The following AREL1 variants were observed in gnomAD, a reference collection of about 807,000 sequenced individuals.
The protein encoded by AREL1 is apoptosis resistant E3 ubiquitin protein ligase 1.
AREL1 carries 62 observed loss-of-function variants against 99.0 expected under a neutral mutation model. That is an observed-to-expected ratio of 0.63 (90% CI 0.51 to 0.77). AREL1 has a LOEUF of 0.77. Among genes scored for constraint, AREL1 ranks in the 30% least tolerant of loss-of-function variants. AREL1 has a pLI of 0.00. For synonymous variants in AREL1, 380 were observed against 376.5 expected, an observed-to-expected ratio of 1.01 and a Z score of -0.11; for missense variants, 879 against 1,027.6, an observed-to-expected ratio of 0.86 and a Z score of 1.98.
At chr14:74,710,886 T>A (rs986466326) in intron 1 of AREL1, among the ~76,000 whole-genome samples, 1 of 152,208 alleles carries the variant, frequency 6.6e-6, no homozygotes, top group African/African-American at 2.4e-5. Flanking sequence ...GAAAACTTAA[T>A]GTTTTGAGGT....
At chr14:74,708,231 T>C (rs2090221103) in intron 1 of AREL1, among the ~76,000 whole-genome samples, 1 of 152,192 alleles carries the variant, frequency 6.6e-6, no homozygotes, top group East Asian at 1.9e-4. Flanking sequence ...TTAAAATTAT[T>C]CCACAATTTA....
In AREL1 at chr14:74,685,622, C is replaced by G; in HGVS notation, c.-7G>C. Reference sequence around the variant, plus strand: ...TACCAATAACGTAAAACATCAGGTCCCGTCAATGCCAACAGACAGCCGAGG... The same window carrying G: ...TACCAATAACGTAAAACATCAGGTCGCGTCAATGCCAACAGACAGCCGAGG... On this transcript the variant is annotated 5_prime_UTR_variant, in exon 3 of 20. Coordinates refer to ENST00000356357, the MANE Select transcript of AREL1 (RefSeq NM_001039479.2). 1 of 1,614,136 alleles carries G rather than the reference C, an allele frequency of 6.2e-7. No homozygotes were observed. Among genetic ancestry groups the G allele is most frequent in the South Asian group, 1.1e-5 (1 of 91,078 alleles).
chr14:74,670,536 T>C (rs2089311633), intron 13 of AREL1: 1 of 519,366 alleles, frequency 1.9e-6, no homozygotes, highest in Non-Finnish European at 3.4e-6. Flanking sequence ...TATACTATAA[T>C]GTTTTTAGTC....
At position 74,676,662 on chromosome 14, in the gene AREL1, G is replaced by C. The variant is rs1566685509; in HGVS notation, c.572C>G (p.Pro191Arg). ...GGTGGGATTATCATACTCATCTCGG[G>C]GTACTATTTGAAGGGTGTGCGGCTG... ...CGQPHTLQIV[P>R]RDEYDNPTNN... is the part of the protein sequence containing the mutation. Residue 191 changes from proline to arginine, a missense_variant, in exon 6 of 20, where the codon CCC becomes CGC. By Grantham distance (103) the Pro-to-Arg change is moderately radical (BLOSUM62 -2). Transcript: ENST00000356357. 1 of 1,614,030 alleles carries C rather than the reference G, an allele frequency of 6.2e-7. No individual in the cohort carries two copies. Among genetic ancestry groups the C allele is most frequent in the Non-Finnish European group, 8.5e-7 (1 of 1,179,978 alleles).
intron 1 of AREL1, among the ~76,000 whole-genome samples, chr14:74,699,372 TGTGTGAGA>T (rs1264151946): frequency 4.3e-4 from 56 of 130,002 alleles, no homozygotes; most frequent in African/African-American, 1.4e-3. Flanking sequence ...TGTGTGTGTG[TGTGTGAGA>T]GAGAGAGAGA....
intron 17 of AREL1, 41 bp downstream of exon 17, chr14:74,667,278 A>G (rs2089229017): frequency 6.2e-7 from 1 of 1,613,210 alleles, no homozygotes; most frequent in Non-Finnish European, 8.5e-7. Context: ...AGCTACAAAA[A>G]TGCCAAGTTA....
At chr14:74,698,799 G>A (rs2090022270) in intron 1 of AREL1, 1 of 266,122 alleles carries the variant, frequency 3.8e-6, no homozygotes, top group East Asian at 1.2e-4. Context: ...TGAGGTGGGA[G>A]GATGGCTTGC....
At chr14:74,712,807 G>A in intron 1 of AREL1, 126 bp downstream of exon 1, 2 of 386,064 alleles carry the variant, frequency 5.2e-6, no homozygotes, top group South Asian at 4.3e-5. Context: ...TGAGGAGAAT[G>A]TGTTCCCCCA....
At chr14:74,671,268 G>T (rs1594757379) in intron 12 of AREL1, 140 bp downstream of exon 12, 2 of 491,500 alleles carry the variant, frequency 4.1e-6, no homozygotes, top group East Asian at 3.7e-5. Flanking sequence ...TTTCCTTGGG[G>T]AAAAAAAAAC....
intron 8 of AREL1, among the ~76,000 whole-genome samples, chr14:74,674,564 G>A (rs2089428560): frequency 6.6e-6 from 1 of 152,024 alleles, no homozygotes; most frequent in African/African-American, 2.4e-5. Context: ...ATTGGACCAT[G>A]GCACTCCAGC....
chr14:74,679,546 G>T (rs2089579163), intron 5 of AREL1, among the ~76,000 whole-genome samples: 1 of 152,152 alleles, frequency 6.6e-6, no homozygotes, highest in South Asian at 2.1e-4. Context: ...GCCAAAATGG[G>T]CCGGGCACGG....
chr14:74,677,570 G>A (rs1236896134), intron 5 of AREL1, among the ~76,000 whole-genome samples: 8 of 124,358 alleles, frequency 6.4e-5, no homozygotes, highest in Non-Finnish European at 9.5e-5. Flanking sequence ...GCAGTGGCAC[G>A]ATCTCGGCTC....
At chr14:74,670,729 T>A (rs1394153994) in intron 13 of AREL1, 33 bp downstream of exon 13, 1 of 1,579,082 alleles carries the variant, frequency 6.3e-7, no homozygotes, top group African/African-American at 1.3e-5. Flanking sequence ...GATAACATAA[T>A]CCACATTTTC....
chr14:74,664,676 T>C (rs1212815247), intron 18 of AREL1, among the ~76,000 whole-genome samples, 160 bp downstream of exon 18: 1 of 148,466 alleles, frequency 6.7e-6, no homozygotes, highest in Non-Finnish European at 1.5e-5. Context: ...GCCAGGCTGG[T>C]CTCAAAACTC....
At chr14:74,684,989 T>C (rs755677403) in intron 3 of AREL1, among the ~76,000 whole-genome samples, 6 of 152,228 alleles carry the variant, frequency 3.9e-5, no homozygotes, top group East Asian at 1.9e-4. Context: ...ACTGGCAGAG[T>C]TGAGTCATTG....
chr14:74,669,557 C>T, intron 15 of AREL1, 92 bp downstream of exon 15: 1 of 1,477,530 alleles, frequency 6.8e-7, no homozygotes, highest in Non-Finnish European at 9.1e-7. Context: ...AAATATGGAA[C>T]ATTTCCACCA....
chr14:74,711,447 G>C (rs954737922), intron 1 of AREL1, among the ~76,000 whole-genome samples: 1 of 151,682 alleles, frequency 6.6e-6, no homozygotes, highest in African/African-American at 2.4e-5. Context: ...GGAGGCTGAG[G>C]CAGGAGAATT....
rs1200912870 is a variant in AREL1 at position 74,663,700 on chromosome 14, A to G, written c.*20T>C. On this transcript the variant is annotated 3_prime_UTR_variant, in exon 20 of 20. Transcript: ENST00000356357. ...GAAGCTCCAGAGAGCATGGGAGCCA[A>G]CTGGATGACAGGAGAGTGGTCAGAG... 26 of 1,610,528 alleles carry G rather than the reference A, an allele frequency of 1.6e-5. No homozygotes were observed. Among genetic ancestry groups the G allele is most frequent in the African/African-American group, 2.7e-5 (2 of 74,850 alleles).
chr14:74,691,321 A>AT (rs1231297803), intron 2 of AREL1, among the ~76,000 whole-genome samples: 13 of 94,210 alleles, frequency 1.4e-4, no homozygotes, highest in East Asian at 3.2e-4. Flanking sequence ...CCCTGTCTCC[A>AT]TTTAAAAAAA....
Sources: allele counts gnomAD v4.1 joint callset (sites outside exome capture counted in the v4.1 genomes callset), GRCh38; gene constraint gnomAD v4.1.1; transcripts MANE v1.5; gene names NCBI Gene and HGNC (gene_info 2026-07-23, HGNC 2026-07-21).